STARD13: variants seen among roughly 807,000 people sequenced by gnomAD.
The protein encoded by STARD13 is StAR related lipid transfer domain containing 13, also known as stAR-related lipid transfer protein 13.
Under a neutral mutation model 106.4 loss-of-function variants are expected in STARD13, and 62 were observed. The observed-to-expected ratio is 0.58, with a 90% CI of 0.48 to 0.72. The LOEUF (loss-of-function observed/expected upper bound fraction) is 0.72, where lower values mean the gene tolerates loss of function less well. Among genes scored for constraint, STARD13 ranks in the 30% least tolerant of loss-of-function variants. STARD13 has a pLI of 0.00. For missense variants in STARD13, 1,387 were observed against 1,424.0 expected, an observed-to-expected ratio of 0.97 and a Z score of 0.42; for synonymous variants, 565 against 553.0, an observed-to-expected ratio of 1.02 and a Z score of -0.31.
chr13:33,547,293 C>T, the STARD13 span, among the ~76,000 whole-genome samples: 285 of 152,314 alleles, frequency 1.9e-3, no homozygotes, highest in African/African-American at 6.4e-3. Context: ...AATTTGATCC[C>T]TTTAAGCAAA....
At chr13:33,564,220 A>AG in the STARD13 span, among the ~76,000 whole-genome samples, 11 of 145,106 alleles carry the variant, frequency 7.6e-5, 1 homozygote, top group African/African-American at 2.8e-4. Flanking sequence ...AAAAAAAAAA[A>AG]AAAAAAAGAA....
intron 1 of STARD13, among the ~76,000 whole-genome samples, chr13:33,316,038 G>C (rs1893321093): frequency 6.6e-6 from 1 of 152,150 alleles, no homozygotes; most frequent in South Asian, 2.1e-4. Flanking sequence ...TGGAAGCATT[G>C]AGCTCTGATA....
chr13:33,212,378 C>T (rs1181611442), intron 1 of STARD13, among the ~76,000 whole-genome samples: 1 of 152,062 alleles, frequency 6.6e-6, no homozygotes, highest in Non-Finnish European at 1.5e-5. Context: ...GTTTTCTACT[C>T]CCATTTTAAG....
chr13:33,429,583 T>TA, the STARD13 span, among the ~76,000 whole-genome samples: 6 of 150,724 alleles, frequency 4.0e-5, no homozygotes, highest in East Asian at 1.2e-3. Context: ...TATTCAGCCA[T>TA]AAAAAACAAT....
the STARD13 span, among the ~76,000 whole-genome samples, chr13:33,404,462 T>G: frequency 2.0e-5 from 3 of 152,186 alleles, no homozygotes; most frequent in Non-Finnish European, 2.9e-5. Flanking sequence ...AGAATGCTTT[T>G]ATAGAGGAGT....
At chr13:33,124,598 C>A (rs1593893516) in intron 7 of STARD13, among the ~76,000 whole-genome samples, 1 of 152,060 alleles carries the variant, frequency 6.6e-6, no homozygotes, top group African/African-American at 2.4e-5. Flanking sequence ...GAGACTGGCC[C>A]CACTAACAGC....
the STARD13 span, among the ~76,000 whole-genome samples, chr13:33,430,638 G>A: frequency 6.6e-6 from 1 of 152,194 alleles, no homozygotes; most frequent in Non-Finnish European, 1.5e-5. Flanking sequence ...GTTTATTACA[G>A]CACTATTCAC....
the STARD13 span, among the ~76,000 whole-genome samples, chr13:33,410,455 C>A: frequency 6.6e-6 from 1 of 152,166 alleles, no homozygotes; most frequent in Non-Finnish European, 1.5e-5. Context: ...CATTTCCAAC[C>A]ATGAGGCCAA....
the STARD13 span, among the ~76,000 whole-genome samples, chr13:33,375,939 T>C: frequency 6.6e-6 from 1 of 152,128 alleles, no homozygotes; most frequent in East Asian, 1.9e-4. Flanking sequence ...AGTAATATGG[T>C]CAAAACATAC....
the STARD13 span, among the ~76,000 whole-genome samples, chr13:33,403,209 T>C: frequency 6.6e-6 from 1 of 152,178 alleles, no homozygotes; most frequent in Non-Finnish European, 1.5e-5. Flanking sequence ...GCAACAACGA[T>C]GACCGAACAG....
At chr13:33,466,137 G>A in the STARD13 span, among the ~76,000 whole-genome samples, 1 of 152,130 alleles carries the variant, frequency 6.6e-6, no homozygotes. Context: ...TTAGGACAGA[G>A]CAGTCTTAAA....
At chr13:33,515,257 G>A in the STARD13 span, among the ~76,000 whole-genome samples, 9 of 152,148 alleles carry the variant, frequency 5.9e-5, 1 homozygote, top group South Asian at 6.2e-4. Flanking sequence ...GGAGTATTGC[G>A]GAGCAGGCTA....
At chr13:33,507,148 G>A in the STARD13 span, among the ~76,000 whole-genome samples, 1 of 152,020 alleles carries the variant, frequency 6.6e-6, no homozygotes, top group Non-Finnish European at 1.5e-5. Context: ...TAACTATAAT[G>A]CCAGATTCTC....
upstream of STARD13, among the ~76,000 whole-genome samples, chr13:33,287,101 G>A (rs537064116): frequency 5.9e-5 from 9 of 152,228 alleles, no homozygotes; most frequent in South Asian, 6.2e-4. Flanking sequence ...TCTACATTTG[G>A]CTGACGGAAA....
Position 33,126,157 on chromosome 13 carries a change from A to G in STARD13, c.2006T>C (p.Val669Ala). ...AVFGVPLIVHVQRTGQPLPQS... is the reference protein window; with the variant it reads ...AVFGVPLIVHAQRTGQPLPQS... The stretch of plus-strand genomic sequence containing the variant: ...AGGCAGGGGCTGTCCCGTTCTTTGG[A>G]CGTGGACTATGAGAGGAACGCCAAA... Residue 669 changes from valine (V) to alanine (A), a missense_variant, in exon 7 of 14, where the codon GTC (valine) becomes GCC (alanine). Transcript: ENST00000336934. 1 of 1,614,126 alleles carries G rather than the reference A, an allele frequency of 6.2e-7. No homozygotes were observed. The highest frequency in any genetic ancestry group is 8.5e-7 in the Non-Finnish European group (1 of 1,180,030).
chr13:33,636,483 G>C, the STARD13 span, among the ~76,000 whole-genome samples: 1 of 152,112 alleles, frequency 6.6e-6, no homozygotes, highest in African/African-American at 2.4e-5. Context: ...AGGGCAATAG[G>C]CATAAACCGG....
the STARD13 span, among the ~76,000 whole-genome samples, chr13:33,421,926 G>A: frequency 6.6e-6 from 1 of 152,114 alleles, no homozygotes; most frequent in Non-Finnish European, 1.5e-5. Flanking sequence ...CAATAAGCTA[G>A]GTATTGATGG....
At chr13:33,460,119 T>C in the STARD13 span, among the ~76,000 whole-genome samples, 1 of 152,174 alleles carries the variant, frequency 6.6e-6, no homozygotes, top group African/African-American at 2.4e-5. Flanking sequence ...CATTATGTCT[T>C]CAACTATTTT....
intron 1 of STARD13, among the ~76,000 whole-genome samples, chr13:33,294,977 G>A (rs1406308284): frequency 6.6e-6 from 1 of 152,122 alleles, no homozygotes; most frequent in Admixed American, 6.5e-5. Context: ...CTGCTGACCT[G>A]TTGCCCTGGA....
Sources: gnomAD v4.1 joint callset for allele counts (sites outside exome capture counted in the v4.1 genomes callset) on GRCh38, gnomAD v4.1.1 for gene constraint, MANE v1.5 for transcripts, NCBI Gene and HGNC (gene_info 2026-07-23, HGNC 2026-07-21) for gene names.